STK39: variants seen among roughly 807,000 people sequenced by gnomAD.
STK39 encodes STE20/SPS1-related proline-alanine-rich protein kinase.
A neutral mutation model predicts 77.8 loss-of-function variants in STK39; 20 were observed. That is an observed-to-expected ratio of 0.26 (90% CI 0.18 to 0.37). STK39 has a LOEUF of 0.37. STK39 is among the 10% of genes least tolerant of loss of function. The pLI is 1.00. For synonymous variants in STK39, 246 were observed against 234.1 expected (o/e 1.05, Z -0.47); for missense variants, 479 against 656.5 (o/e 0.73, Z 2.95).
intron 10 of STK39, among the ~76,000 whole-genome samples, chr2:168,088,848 C>G (rs1348392488): frequency 6.6e-6 from 1 of 152,176 alleles, no homozygotes; most frequent in Non-Finnish European, 1.5e-5. Flanking sequence ...AAATAACCCT[C>G]TCTCCTCCTA....
At chr2:167,978,592 T>G (rs1172212101) in intron 16 of STK39, among the ~76,000 whole-genome samples, 1 of 152,264 alleles carries the variant, frequency 6.6e-6, no homozygotes, top group Non-Finnish European at 1.5e-5. Context: ...AGCTTAGGGA[T>G]GAGGCTTTTT....
chr2:168,076,855 G>A (rs1686092499), intron 10 of STK39, among the ~76,000 whole-genome samples: 1 of 151,970 alleles, frequency 6.6e-6, no homozygotes, highest in African/African-American at 2.4e-5. Context: ...TGATTTTAAT[G>A]GTGCTTATAG....
intron 10 of STK39, among the ~76,000 whole-genome samples, chr2:168,122,257 T>C (rs1462412641): frequency 2.0e-5 from 3 of 152,176 alleles, no homozygotes; most frequent in Non-Finnish European, 4.4e-5. Context: ...CAGTGCTTAA[T>C]TCCTACTTAT....
intron 1 of STK39, among the ~76,000 whole-genome samples, chr2:168,230,928 G>A (rs748354730): frequency 1.7e-4 from 26 of 152,078 alleles, no homozygotes; most frequent in Non-Finnish European, 3.4e-4. Flanking sequence ...TTCGGAATGA[G>A]CCCGTCCATT....
At chr2:167,964,490 C>G (rs1692091155) in intron 17 of STK39, 172 bp downstream of exon 17, 2 of 602,972 alleles carry the variant, frequency 3.3e-6, no homozygotes, top group East Asian at 3.0e-5. Flanking sequence ...CAGTCACAAT[C>G]AGAAAACGTT....
intron 1 of STK39, among the ~76,000 whole-genome samples, chr2:168,200,211 C>T (rs1412074868): frequency 4.6e-5 from 7 of 152,152 alleles, no homozygotes; most frequent in Admixed American, 2.6e-4. Context: ...GGAAAGGCTA[C>T]AAGTGATTAG....
At chr2:167,997,964 T>C (rs1232935754) in intron 16 of STK39, among the ~76,000 whole-genome samples, 1 of 152,240 alleles carries the variant, frequency 6.6e-6, no homozygotes, top group Non-Finnish European at 1.5e-5. Flanking sequence ...TTGTGGGGGA[T>C]GTTATTTAAT....
chr2:168,236,256 T>C (rs868554607), intron 1 of STK39, among the ~76,000 whole-genome samples: 1 of 152,238 alleles, frequency 6.6e-6, no homozygotes, highest in Non-Finnish European at 1.5e-5. Flanking sequence ...ATGTCTTCTT[T>C]TGAGAAGTGT....
intron 14 of STK39, among the ~76,000 whole-genome samples, chr2:168,037,142 C>T (rs1175415993): frequency 2.0e-5 from 3 of 152,142 alleles, no homozygotes; most frequent in African/African-American, 4.8e-5. Flanking sequence ...CGTGGAAACC[C>T]TGTAACTACC....
At chr2:167,996,614 C>A (rs1005901199) in intron 16 of STK39, among the ~76,000 whole-genome samples, 3 of 152,162 alleles carry the variant, frequency 2.0e-5, no homozygotes, top group Non-Finnish European at 4.4e-5. Context: ...GTTGGCTAGT[C>A]CTCTGTAGAA....
intron 7 of STK39, 102 bp from the exon 8 acceptor site, chr2:168,138,323 T>C: frequency 7.1e-7 from 1 of 1,415,080 alleles, no homozygotes; most frequent in Non-Finnish European, 9.4e-7. Flanking sequence ...CTTGATTAGA[T>C]ACAAAGTGCT....
intron 16 of STK39, among the ~76,000 whole-genome samples, chr2:167,965,134 A>AG (rs1692117622): frequency 1.1e-5 from 1 of 88,440 alleles, no homozygotes; most frequent in Non-Finnish European, 2.1e-5. Context: ...GAAAAAAAAA[A>AG]CAAAAAAAAA....
chr2:168,099,984 A>G (rs1194938390), intron 10 of STK39, among the ~76,000 whole-genome samples: 1 of 152,218 alleles, frequency 6.6e-6, no homozygotes, highest in African/African-American at 2.4e-5. Flanking sequence ...GAACAATTTG[A>G]AAGTCAAAGG....
At chr2:168,044,372 C>T (rs556256033) in intron 14 of STK39, among the ~76,000 whole-genome samples, 1 of 152,232 alleles carries the variant, frequency 6.6e-6, no homozygotes, top group South Asian at 2.1e-4. Flanking sequence ...AGTCCAAGGC[C>T]ACTACGATAA....
chr2:168,040,714 T>C (rs1277243453), intron 14 of STK39, among the ~76,000 whole-genome samples: 1 of 152,224 alleles, frequency 6.6e-6, no homozygotes, highest in Non-Finnish European at 1.5e-5. Context: ...GGCATCTTCA[T>C]ACCTTTAATT....
At chr2:168,070,800 T>A (rs1685921952) in intron 12 of STK39, among the ~76,000 whole-genome samples, 1 of 152,120 alleles carries the variant, frequency 6.6e-6, no homozygotes, top group Non-Finnish European at 1.5e-5. Context: ...TACTTTGATA[T>A]TTCTAAAATA....
intron 16 of STK39, among the ~76,000 whole-genome samples, chr2:167,995,678 T>C (rs900861937): frequency 6.6e-6 from 1 of 152,244 alleles, no homozygotes; most frequent in African/African-American, 2.4e-5. Context: ...GAAGAAGAGA[T>C]TAAGTGTGGC....
chr2:168,243,041 A>G (rs1403013507), intron 1 of STK39, among the ~76,000 whole-genome samples: 1 of 152,198 alleles, frequency 6.6e-6, no homozygotes, highest in Non-Finnish European at 1.5e-5. Flanking sequence ...ACAACAACAA[A>G]CAAACTAATC....
At chr2:168,171,866 C>CCA in intron 2 of STK39, among the ~76,000 whole-genome samples, 2 of 97,918 alleles carry the variant, frequency 2.0e-5, no homozygotes, top group African/African-American at 1.2e-4. Context: ...CCCCCCTCCC[C>CCA]CCCACACACA....
Sources: gnomAD v4.1 joint callset for allele counts (sites outside exome capture counted in the v4.1 genomes callset) on GRCh38, gnomAD v4.1.1 for gene constraint, MANE v1.5 for transcripts, NCBI Gene and HGNC (gene_info 2026-07-23, HGNC 2026-07-21) for gene names.